CTNND2: variants seen among roughly 807,000 people sequenced by gnomAD.
CTNND2 encodes the protein catenin delta-2.
CTNND2 carries 22 observed loss-of-function variants against 144.4 expected under a neutral mutation model. The ratio of observed to expected loss-of-function variants is 0.15; its 90% CI spans 0.11 to 0.22. CTNND2 has a LOEUF of 0.22. CTNND2 is among the 10% of genes least tolerant of loss of function. The pLI is 1.00. For missense variants in CTNND2, 1,353 were observed against 1,618.8 expected (o/e 0.84, Z 2.82); for synonymous variants, 751 against 695.6 (o/e 1.08, Z -1.25).
chr5:11,662,842 T>G (rs1783348395), intron 2 of CTNND2, among the ~76,000 whole-genome samples: 1 of 152,060 alleles, frequency 6.6e-6, no homozygotes, highest in South Asian at 2.1e-4. Context: ...ATGGAAAAAC[T>G]GTCTTCCGCA....
intron 1 of CTNND2, among the ~76,000 whole-genome samples, chr5:11,752,426 T>C (rs1424517854): frequency 1.3e-5 from 2 of 151,942 alleles, no homozygotes; most frequent in African/African-American, 2.4e-5. Context: ...GCAGCATTTA[T>C]TGAATAGGAA....
intron 3 of CTNND2, among the ~76,000 whole-genome samples, chr5:11,494,822 T>C (rs558747934): frequency 1.4e-4 from 21 of 152,282 alleles, no homozygotes; most frequent in African/African-American, 4.3e-4. Context: ...CTGATACCAA[T>C]TGAGTCAATA....
chr5:11,587,308 A>C (rs1778939563), intron 2 of CTNND2, among the ~76,000 whole-genome samples: 2 of 152,100 alleles, frequency 1.3e-5, no homozygotes, highest in South Asian at 4.1e-4. Context: ...CTTAAAAATA[A>C]AAAGATTTCC....
intron 11 of CTNND2, among the ~76,000 whole-genome samples, chr5:11,162,884 TACACACACAC>T (rs34257746): frequency 2.0e-5 from 3 of 147,786 alleles, no homozygotes; most frequent in South Asian, 2.2e-4. Flanking sequence ...TCTTTCCTGC[TACACACACAC>T]ACACACACAC....
chr5:11,254,218 G>A (rs7736688), intron 9 of CTNND2, among the ~76,000 whole-genome samples: 2,964 of 152,268 alleles, frequency 0.019, 93 homozygotes, highest in African/African-American at 0.066. Context: ...CCCAGAGCCT[G>A]ATTTTCAGAC....
intron 2 of CTNND2, among the ~76,000 whole-genome samples, chr5:11,621,376 A>G (rs1259616456): frequency 2.0e-5 from 3 of 152,144 alleles, no homozygotes; most frequent in Non-Finnish European, 2.9e-5. Flanking sequence ...AAAATTTTAT[A>G]TTTCCAGTAG....
At chr5:11,482,729 G>T (rs548327214) in intron 3 of CTNND2, among the ~76,000 whole-genome samples, 9 of 152,154 alleles carry the variant, frequency 5.9e-5, no homozygotes, top group Non-Finnish European at 1.0e-4. Flanking sequence ...AGACTTGAAG[G>T]AGGTGAGGGA....
At chr5:11,610,558 AC>A (rs991192384) in intron 2 of CTNND2, among the ~76,000 whole-genome samples, 1 of 152,108 alleles carries the variant, frequency 6.6e-6, no homozygotes, top group African/African-American at 2.4e-5. Flanking sequence ...CAGGGAACCC[AC>A]CGTCCAATAA....
rs373248860 is a variant in CTNND2 at position 11,384,642 on chromosome 5, G to A, written c.1177+23C>T. On this transcript the variant is annotated intron_variant, in intron 7 of 21. Transcript: ENST00000304623. This position sits in a 1 kb window ranked among gnomAD's most constrained non-coding sequence, Gnocchi z 5.2. ...CCCGCCACGCGCCCAGGTGAGTCGC[G>A]CCAGGTGGCAGCGAGCCTTTACCTG... 2 of 1,584,536 alleles carry A rather than the reference G, an allele frequency of 1.3e-6. No individual in the cohort carries two copies. The highest frequency in any genetic ancestry group is 1.7e-6 in the Non-Finnish European group (2 of 1,172,072).
intron 9 of CTNND2, among the ~76,000 whole-genome samples, chr5:11,343,038 G>A (rs913648971): frequency 1.3e-5 from 2 of 152,144 alleles, no homozygotes; most frequent in Admixed American, 6.5e-5. Flanking sequence ...AGTGACTGCT[G>A]GCTTTACAAA....
intron 1 of CTNND2, among the ~76,000 whole-genome samples, chr5:11,837,137 G>A (rs186426216): frequency 2.0e-5 from 3 of 152,258 alleles, no homozygotes; most frequent in Admixed American, 2.0e-4. Flanking sequence ...AAGTACACAG[G>A]AGAGAACACA....
intron 8 of CTNND2, among the ~76,000 whole-genome samples, chr5:11,351,107 TCA>T (rs1755290596): frequency 1.3e-5 from 2 of 152,176 alleles, no homozygotes; most frequent in Admixed American, 1.3e-4. Flanking sequence ...TTAATATCAG[TCA>T]CACTATTAAA....
At chr5:11,466,601 T>C (rs1766702516) in intron 3 of CTNND2, among the ~76,000 whole-genome samples, 1 of 152,214 alleles carries the variant, frequency 6.6e-6, no homozygotes. Flanking sequence ...TTAAATATTG[T>C]CAGGAATCCT....
rs142096311 is a variant in CTNND2, at chr5:11,616,645, T to C, written c.175-51589A>G. ...TTTTTTTTGATGTAGTCTCATTCTG[T>C]CATCCAGGCTGGAGTGAGTGGCGTG... On this transcript the variant is annotated intron_variant, in intron 2 of 21. Transcript: ENST00000304623. Among the ~76,000 whole-genome samples the C allele has an allele frequency of 3.0e-3, 448 of 151,384 alleles. 2 individuals carry two copies. Among genetic ancestry groups the C allele is most frequent in the Non-Finnish European group, 5.3e-3 (357 of 67,802 alleles).
chr5:11,229,016 A>C (rs1375355585), intron 10 of CTNND2, among the ~76,000 whole-genome samples: 1 of 152,248 alleles, frequency 6.6e-6, no homozygotes, highest in Non-Finnish European at 1.5e-5. Flanking sequence ...GGGCCTGTGT[A>C]AGTTTACTAT....
chr5:11,144,708 C>A (rs935522939), intron 12 of CTNND2, among the ~76,000 whole-genome samples: 2 of 152,088 alleles, frequency 1.3e-5, no homozygotes, highest in African/African-American at 2.4e-5. Flanking sequence ...GCCGTCTCAC[C>A]CCTTTTCTGG....
chr5:11,108,332 AG>A (rs1752624026), intron 14 of CTNND2, among the ~76,000 whole-genome samples: 1 of 152,178 alleles, frequency 6.6e-6, no homozygotes. Flanking sequence ...GGGAAAAATA[AG>A]GGGGCATTGA....
intron 1 of CTNND2, among the ~76,000 whole-genome samples, chr5:11,763,222 A>T (rs542533703): frequency 6.6e-6 from 1 of 152,306 alleles, no homozygotes; most frequent in Non-Finnish European, 1.5e-5. Flanking sequence ...TTGCAGAACC[A>T]TGAGCTAATT....
At chr5:11,499,431 G>T (rs1335226114) in intron 3 of CTNND2, among the ~76,000 whole-genome samples, 1 of 152,120 alleles carries the variant, frequency 6.6e-6, no homozygotes, top group Admixed American at 6.6e-5. Context: ...CTTGTTTCTG[G>T]TTTATTTGAA....
Sources: gnomAD v4.1 joint callset for allele counts (sites outside exome capture counted in the v4.1 genomes callset) on GRCh38, gnomAD v4.1.1 for gene constraint, Gnocchi (gnomAD v3.1) non-coding constraint, MANE v1.5 for transcripts, NCBI Gene and HGNC (gene_info 2026-07-23, HGNC 2026-07-21) for gene names.